LCT: variants seen among roughly 807,000 people sequenced by gnomAD.
LCT encodes lactase/phlorizin hydrolase.
Under a neutral mutation model 173.0 loss-of-function variants are expected in LCT, and 90 were observed. The ratio of observed to expected loss-of-function variants is 0.52; its 90% confidence interval spans 0.44 to 0.62. The LOEUF (loss-of-function observed/expected upper bound fraction) is 0.62, where lower values mean the gene tolerates loss of function less well. LCT is among the 20% of genes least tolerant of loss of function. The pLI is 0.00. For missense variants in LCT, 1,864 were observed against 2,431.4 expected, an observed-to-expected ratio of 0.77 and a Z score of 4.91; for synonymous variants, 853 against 957.6, an observed-to-expected ratio of 0.89 and a Z score of 2.02.
At chr2:135,805,540 T>C (rs1379419424) in intron 9 of LCT, among the ~76,000 whole-genome samples, 4 of 152,184 alleles carry the variant, frequency 2.6e-5, no homozygotes, top group African/African-American at 9.7e-5. Flanking sequence ...TGAGTAAGCC[T>C]CATTTTGGCA....
At chr2:135,800,966 A>G (rs1275666019) in intron 11 of LCT, among the ~76,000 whole-genome samples, 157 bp from the exon 12 acceptor site, 2 of 152,138 alleles carry the variant, frequency 1.3e-5, no homozygotes, top group African/African-American at 2.4e-5. Context: ...TCTCCCTCTT[A>G]TTACCTGGCT....
At chr2:135,799,479 C>CG (rs1226959133) in intron 12 of LCT, among the ~76,000 whole-genome samples, 10 of 142,326 alleles carry the variant, frequency 7.0e-5, no homozygotes, top group African/African-American at 2.6e-4. Flanking sequence ...CACCTGCTTC[C>CG]TTTTTTTTTT....
chr2:135,808,872 A>G lies in LCT; in HGVS notation c.3475T>C (p.Phe1159Leu), dbSNP rs768963883. ...FSLGWFAHPI[F>L]RNGDYPDTMK... ...GTGTCAGGATAGTCTCCGTTTCTAA[A>G]AATGGGGTGAGCAAACCAGCCCAGG... Residue 1159 changes from phenylalanine (F) to leucine (L), a missense_variant, in exon 8 of 17, where the codon TTT becomes CTT. Coordinates refer to ENST00000264162, the MANE Select transcript of LCT (RefSeq NM_002299.4). The G allele has an allele frequency of 1.2e-6, 2 of 1,614,204 alleles. No individual in the cohort carries two copies. The highest frequency in any genetic ancestry group is 1.7e-6 in the Non-Finnish European group (2 of 1,180,034).
At chr2:135,801,247 A>C (rs1261734321) in intron 11 of LCT, among the ~76,000 whole-genome samples, 1 of 152,160 alleles carries the variant, frequency 6.6e-6, no homozygotes, top group Non-Finnish European at 1.5e-5. Flanking sequence ...GCTGGAGCAA[A>C]TCAAATCAGA....
intron 2 of LCT, among the ~76,000 whole-genome samples, chr2:135,830,812 C>T (rs554728770): frequency 6.6e-6 from 1 of 152,344 alleles, no homozygotes; most frequent in Admixed American, 6.5e-5. Context: ...CACAACACAT[C>T]GTCACTGAGT....
At chr2:135,813,102 T>A (rs2077749229) in intron 6 of LCT, 146 bp from the exon 7 acceptor site, 7 of 752,484 alleles carry the variant, frequency 9.3e-6, no homozygotes, top group East Asian at 5.4e-5. Flanking sequence ...ATTGACAACA[T>A]CAGCACTAAT....
chr2:135,788,911 A>T (rs549581559), intron 16 of LCT, among the ~76,000 whole-genome samples: 1 of 152,296 alleles, frequency 6.6e-6, no homozygotes, highest in East Asian at 1.9e-4. Flanking sequence ...TATATGTTTT[A>T]TATGCAACTT....
intron 10 of LCT, 71 bp from the exon 11 acceptor site, chr2:135,804,199 G>A (rs1575336090): frequency 8.5e-7 from 1 of 1,171,714 alleles, no homozygotes; most frequent in South Asian, 1.2e-5. Flanking sequence ...AGATGTGCCA[G>A]CATCAACGTC....
At chr2:135,798,953 G>T (rs1169264245) in intron 12 of LCT, among the ~76,000 whole-genome samples, 1 of 152,058 alleles carries the variant, frequency 6.6e-6, no homozygotes, top group African/African-American at 2.4e-5. Flanking sequence ...CATAGTCCAT[G>T]GCTGCAGTAT....
chr2:135,788,638 A>C lies in LCT; in HGVS notation c.5564-94T>G, dbSNP rs578154754. On this transcript the variant is annotated intron_variant, in intron 16 of 16. Coordinates refer to ENST00000264162, the MANE Select transcript of LCT (RefSeq NM_002299.4). ...CAGCAGAGGCTGCACGGTACCCCAA[A>C]TCCGCACAGCCATTGACGGGATGCC... 3.7e-5 allele frequency: 31 copies of C among 826,752 alleles called. No homozygotes were observed. In the East Asian group the frequency reaches 7.6e-4, roughly 20 times the overall value. 51.2% of individuals were successfully genotyped at this position (826,752 alleles called of 1,614,324 possible). A position where few individuals can be genotyped will look rare whatever the true frequency, so the allele number is the denominator to read the frequency against.
Position 135,808,611 on chromosome 2 carries a change from T to C in LCT, c.3736A>G (p.Asn1246Asp). Residue 1246 changes from asparagine to aspartate, a missense_variant, in exon 8 of 17, where the codon AAC becomes GAC. Asn to Asp is a conservative substitution (Grantham distance 23). Around this residue, in one of 4 missense-constraint regions of LCT, gnomAD observed 755 missense variants for 926.3 expected, o/e 0.82. Coordinates refer to ENST00000264162, the MANE Select transcript of LCT (RefSeq NM_002299.4). ...CGCGTCCCCCAGGGCGCAGCTCTGTTCATTGCCGTGGAAGGCCACGAAGGG... is the reference window on the plus strand; with the variant it reads ...CGCGTCCCCCAGGGCGCAGCTCTGTCCATTGCCGTGGAAGGCCACGAAGGG... ...EDPSWPSTAMNRAAPWGTRRL... is the reference protein window; with the variant it reads ...EDPSWPSTAMDRAAPWGTRRL... The C allele has an allele frequency of 1.2e-6, 2 of 1,614,224 alleles. No individual in the cohort carries two copies. Among genetic ancestry groups the C allele is most frequent in the South Asian group, 2.2e-5 (2 of 91,088 alleles).
chr2:135,818,533 G>A lies in LCT; in HGVS notation c.987-472C>T, dbSNP rs188476190. Among the ~76,000 whole-genome samples, 29 of 152,316 alleles carry A rather than the reference G, an allele frequency of 1.9e-4. 1 individual carries two copies. The highest frequency in any genetic ancestry group is 1.2e-3 in the Admixed American group (19 of 15,290). ...TGATTTATCCTCATCCTACACAGGA[G>A]GAAACTGAGACTAAAAGAAACGGGG... On this transcript the variant is annotated intron_variant, in intron 5 of 16. Coordinates refer to ENST00000264162, the MANE Select transcript of LCT (RefSeq NM_002299.4).
intron 11 of LCT, among the ~76,000 whole-genome samples, chr2:135,802,893 C>A (rs1405836882): frequency 6.6e-6 from 1 of 152,116 alleles, no homozygotes. Flanking sequence ...GGGCGGATTA[C>A]CTGAGGTCAC....
intron 13 of LCT, among the ~76,000 whole-genome samples, chr2:135,795,589 C>T (rs374629256): frequency 2.1e-5 from 3 of 144,564 alleles, no homozygotes; most frequent in African/African-American, 7.8e-5. Flanking sequence ...TTAGGCATGC[C>T]TCTTTTCTCC....
chr2:135,835,989 T>A (rs1213699225), intron 1 of LCT, among the ~76,000 whole-genome samples: 1 of 38,028 alleles, frequency 2.6e-5, no homozygotes, highest in Non-Finnish European at 8.7e-5. Context: ...TATATATATA[T>A]ATATATATAT....
chr2:135,835,323 C>T (rs2077977032), intron 1 of LCT, among the ~76,000 whole-genome samples: 1 of 151,272 alleles, frequency 6.6e-6, no homozygotes, highest in Non-Finnish European at 1.5e-5. Context: ...CTCTATGTTG[C>T]CCAGGCTGGT....
chr2:135,809,960 T>G lies in LCT; in HGVS notation c.2387A>C (p.Tyr796Ser). Residue 796 changes from tyrosine (Y) to serine (S), a missense_variant, in exon 8 of 17, where the codon TAC becomes TCC. Transcript: ENST00000264162. The surrounding 1 kb of genome is among the most constrained non-coding windows in gnomAD (Gnocchi z 5.5). ...IKEDSVDVRSYIARSLIDGFE... is the reference protein window; with the variant it reads ...IKEDSVDVRSSIARSLIDGFE... ...GCCATCAATGAGGGAACGAGCAATG[T>G]AGGAACGAACATCCACAGAGTCTTC... 4 of 1,613,788 alleles carry G rather than the reference T, an allele frequency of 2.5e-6. No individual in the cohort carries two copies.
chr2:135,820,241 T>C (rs532753532), intron 5 of LCT: 3 of 152,362 alleles, frequency 2.0e-5, no homozygotes, highest in Admixed American at 2.0e-4. Flanking sequence ...TAAGCCTGTG[T>C]TGGCCCTCCC....
In LCT at chr2:135,817,371, G is replaced by C; in HGVS notation, c.1677C>G (p.Gly559=). 6.2e-7 allele frequency: 1 copy of C among 1,614,054 alleles called. No individual in the cohort carries two copies. Among genetic ancestry groups the C allele is most frequent in the East Asian group, 2.2e-5 (1 of 44,882 alleles). The change falls in exon 6 of 17, where the codon GGC becomes GGG. Residue 559 remains glycine (G), a synonymous_variant. Transcript: ENST00000264162. The stretch of plus-strand genomic sequence containing the variant: ...AAGAGGCCACTCCTGGGTCAGAGAT[G>C]CCGGGAGGGTGCTGGCCGGTGCCAT... The part of the protein sequence containing the change: ...AGYGTGQHPP[G]ISDPGVASFK...
Sources: allele counts gnomAD v4.1 joint callset (sites outside exome capture counted in the v4.1 genomes callset), GRCh38; gene constraint gnomAD v4.1.1; regional missense constraint gnomAD v4.1.1; non-coding constraint Gnocchi (gnomAD v3.1); transcripts MANE v1.5; gene names NCBI Gene and HGNC (gene_info 2026-07-23, HGNC 2026-07-21).